The following KCNN2 variants were observed in gnomAD, a reference collection of about 807,000 sequenced individuals.
KCNN2 encodes the protein small conductance calcium-activated potassium channel protein 2.
KCNN2 carries 24 observed loss-of-function variants against 55.5 expected under a neutral mutation model. The observed-to-expected ratio is 0.43, with a 90% CI of 0.31 to 0.61. The LOEUF is 0.61. Ranked by LOEUF, KCNN2 falls within the 20% of genes least tolerant of loss-of-function variation. The pLI is 0.08. For synonymous variants in KCNN2, 431 were observed against 336.1 expected (o/e 1.28, Z -3.09); for missense variants, 754 against 853.6 (o/e 0.88, Z 1.45).
intron 2 of KCNN2, among the ~76,000 whole-genome samples, chr5:114,243,523 C>T (rs1481373905): frequency 6.6e-6 from 1 of 152,074 alleles, no homozygotes; most frequent in African/African-American, 2.4e-5. Context: ...CCATTAATCA[C>T]TTAGTAGCTC....
chr5:114,149,842 A>C (rs1320596794), intron 1 of KCNN2, among the ~76,000 whole-genome samples: 1 of 152,182 alleles, frequency 6.6e-6, no homozygotes, highest in Non-Finnish European at 1.5e-5. Flanking sequence ...TTAGACCAAA[A>C]ATTCTCAGAA....
intron 2 of KCNN2, among the ~76,000 whole-genome samples, chr5:114,268,343 C>G (rs1349222099): frequency 6.6e-6 from 1 of 152,212 alleles, no homozygotes. Context: ...GAATTGGGCT[C>G]AAGTTCGCCA....
intron 2 of KCNN2, among the ~76,000 whole-genome samples, chr5:114,235,916 G>T (rs928643199): frequency 1.3e-5 from 2 of 152,168 alleles, no homozygotes; most frequent in Non-Finnish European, 2.9e-5. Context: ...TTACTCAGCT[G>T]GTTGGGGGAG....
Position 114,309,571 on chromosome 5 carries a change from C to T in KCNN2, c.-184-51374C>T, listed in dbSNP as rs570593606. 2.7e-4 allele frequency among the ~76,000 whole-genome samples: 41 copies of T among 152,292 alleles called. 2 individuals carry two copies. The highest frequency in any genetic ancestry group is 1.9e-3 in the South Asian group (9 of 4,826). ...TAGGAAAGGCAGGCAAGTGACACTA[C>T]AGGCCTGTGGATGTAATGAAGACAA... On this transcript the variant is annotated intron_variant, in intron 2 of 10. Transcript: ENST00000512097.
intron 3 of KCNN2, among the ~76,000 whole-genome samples, chr5:114,425,897 A>C (rs1759607925): frequency 6.6e-6 from 1 of 152,034 alleles, no homozygotes; most frequent in African/African-American, 2.4e-5. Flanking sequence ...ACGTGAAAAA[A>C]GGCTGGGTGC....
intron 1 of KCNN2, among the ~76,000 whole-genome samples, chr5:114,175,673 G>C (rs548015583): frequency 6.6e-6 from 1 of 152,072 alleles, no homozygotes; most frequent in South Asian, 2.1e-4. Flanking sequence ...ATTTTACAGG[G>C]AGAAAATAGA....
Position 114,158,585 on chromosome 5 carries a change from A to C in KCNN2, c.-270-62895A>C, listed in dbSNP as rs529526431. Reference sequence around the variant, plus strand: ...GGGGATGGCATTGAATCTATAAATTACCTTGGGCAGTATGGCCATTTTCAT... The same window carrying C: ...GGGGATGGCATTGAATCTATAAATTCCCTTGGGCAGTATGGCCATTTTCAT... On this transcript the variant is annotated intron_variant, in intron 1 of 10. Coordinates refer to the KCNN2 transcript ENST00000512097. Among the ~76,000 whole-genome samples, 826 of 151,922 alleles carry C rather than the reference A, an allele frequency of 5.4e-3. 9 individuals carry two copies. The highest frequency in any genetic ancestry group is 0.019 in the African/African-American group (780 of 41,428).
At chr5:114,292,661 A>C (rs987049311) in intron 2 of KCNN2, among the ~76,000 whole-genome samples, 2 of 152,088 alleles carry the variant, frequency 1.3e-5, no homozygotes, top group African/African-American at 4.8e-5. Context: ...CTTAGGATTG[A>C]CTTGGTGACG....
At chr5:114,174,131 G>A (rs6862991) in intron 1 of KCNN2, among the ~76,000 whole-genome samples, 63,982 of 151,800 alleles carry the variant, frequency 0.42, 13,916 homozygotes, top group East Asian at 0.71. Context: ...AAGTGGCTCA[G>A]AATTATTTCA....
At chr5:114,369,562 G>C (rs1380552997) in intron 2 of KCNN2, among the ~76,000 whole-genome samples, 1 of 152,146 alleles carries the variant, frequency 6.6e-6, no homozygotes, top group Non-Finnish European at 1.5e-5. Context: ...TAGTGAGGTA[G>C]AAAACTTGCC....
At chr5:114,268,369 A>T (rs911547638) in intron 2 of KCNN2, among the ~76,000 whole-genome samples, 8 of 152,236 alleles carry the variant, frequency 5.3e-5, no homozygotes, top group African/African-American at 1.9e-4. Context: ...ATGATTATCA[A>T]ATGTTTTATA....
In KCNN2 at chr5:114,137,909, T is replaced by C. The variant is rs558786707; in HGVS notation, c.-271+81409T>C. Among the ~76,000 whole-genome samples, 26 of 152,292 alleles carry C rather than the reference T, an allele frequency of 1.7e-4. No homozygotes were observed. In the South Asian group the frequency reaches 4.6e-3, roughly 27 times the overall value. On this transcript the variant is annotated intron_variant, in intron 1 of 10. Coordinates refer to the KCNN2 transcript ENST00000512097. ...CAGTAAAGTATTTGTTTTTAACTAG[T>C]TGCAATAAGTGGTATGTGGAAACAT...
intron 2 of KCNN2, among the ~76,000 whole-genome samples, chr5:114,318,651 ATAT>A (rs1317033757): frequency 1.3e-5 from 2 of 151,678 alleles, no homozygotes; most frequent in Non-Finnish European, 2.9e-5. Context: ...TTATTATACC[ATAT>A]TATTGTTCAC....
At chr5:114,376,325 G>A (rs1464956348) in intron 2 of KCNN2, among the ~76,000 whole-genome samples, 5 of 152,166 alleles carry the variant, frequency 3.3e-5, no homozygotes, top group East Asian at 1.9e-4. Flanking sequence ...GAGACCACAC[G>A]GAACACTCAG....
intron 1 of KCNN2, among the ~76,000 whole-genome samples, chr5:114,200,867 C>A (rs537223235): frequency 6.6e-6 from 1 of 152,104 alleles, no homozygotes; most frequent in African/African-American, 2.4e-5. Flanking sequence ...CTGGGGACTT[C>A]GATGTCAAGT....
At chr5:114,448,106 C>T (rs1760494427) in intron 3 of KCNN2, among the ~76,000 whole-genome samples, 1 of 152,124 alleles carries the variant, frequency 6.6e-6, no homozygotes, top group Admixed American at 6.5e-5. Context: ...TTTTCTCCAA[C>T]CATTATATGT....
At chr5:114,477,237 T>TAAAAGATAGTCTGTTCTCCCA (rs1271359995) in intron 5 of KCNN2, among the ~76,000 whole-genome samples, 2 of 152,166 alleles carry the variant, frequency 1.3e-5, no homozygotes, top group African/African-American at 4.8e-5. Flanking sequence ...ATATGAATGT[T>TAAAAGATAGTCTGTTCTCCCA]AAAAGATAGT....
intron 1 of KCNN2, among the ~76,000 whole-genome samples, chr5:114,107,875 A>G (rs1280658944): frequency 6.6e-6 from 1 of 152,022 alleles, no homozygotes; most frequent in Non-Finnish European, 1.5e-5. Context: ...ACTTGTATAT[A>G]TTTTTAATTT....
rs374948512 is a variant in KCNN2, at chr5:114,325,962, A to G, written c.-184-34983A>G. On this transcript the variant is annotated intron_variant, in intron 2 of 10. Coordinates refer to the KCNN2 transcript ENST00000512097. ...GTGGGGTCTGGGCCTGTGGTCAAAC[A>G]CTTCAGGTTTTTGGTTTTTGCAGTT... Among the ~76,000 whole-genome samples, 17 of 152,308 alleles carry G rather than the reference A, an allele frequency of 1.1e-4. No homozygotes were observed. In the East Asian group the frequency reaches 2.7e-3, roughly 24 times the overall value.
Sources: gnomAD v4.1 joint callset for allele counts (sites outside exome capture counted in the v4.1 genomes callset) on GRCh38, gnomAD v4.1.1 for gene constraint, MANE v1.5 for transcripts, NCBI Gene and HGNC (gene_info 2026-07-23, HGNC 2026-07-21) for gene names.